Variants in SEMA3A observed in about 807,000 individuals in gnomAD.
SEMA3A encodes semaphorin-3A.
A neutral mutation model predicts 97.9 loss-of-function variants in SEMA3A; 29 were observed. The observed-to-expected ratio is 0.30, with a 90% CI of 0.22 to 0.40. The LOEUF (loss-of-function observed/expected upper bound fraction) is 0.40. Ranked by LOEUF, SEMA3A falls within the 10% of genes least tolerant of loss-of-function variation. The pLI, the probability that SEMA3A is intolerant of heterozygous loss-of-function variation, is 1.00. For missense variants in SEMA3A, 763 were observed against 951.3 expected, an observed-to-expected ratio of 0.80 and a Z score of 2.60; for synonymous variants, 321 against 323.7, an observed-to-expected ratio of 0.99 and a Z score of 0.09.
intron 1 of SEMA3A, among the ~76,000 whole-genome samples, chr7:84,490,295 T>G (rs540276990): frequency 1.3e-5 from 2 of 152,148 alleles, no homozygotes; most frequent in Admixed American, 1.3e-4. Context: ...AATTACTGTA[T>G]TCATCCTCAC....
At chr7:84,300,086 T>C (rs1188068249) in intron 3 of SEMA3A, among the ~76,000 whole-genome samples, 1 of 134,626 alleles carries the variant, frequency 7.4e-6, no homozygotes, top group Non-Finnish European at 1.6e-5. Context: ...AAAACTATGA[T>C]AACTGAAATA....
intron 6 of SEMA3A, among the ~76,000 whole-genome samples, chr7:84,039,401 G>A (rs1792052973): frequency 6.6e-6 from 1 of 152,166 alleles, no homozygotes; most frequent in Non-Finnish European, 1.5e-5. Context: ...CGTAGGGTAA[G>A]AGGCTGGATG....
intron 1 of SEMA3A, among the ~76,000 whole-genome samples, chr7:84,484,111 T>A (rs2116439983): frequency 6.6e-6 from 1 of 151,742 alleles, no homozygotes; most frequent in African/African-American, 2.4e-5. Flanking sequence ...AAGTTCATAA[T>A]TTCCAAAATG....
At chr7:84,258,168 C>T (rs1799759790) in intron 3 of SEMA3A, among the ~76,000 whole-genome samples, 1 of 152,136 alleles carries the variant, frequency 6.6e-6, no homozygotes, top group Non-Finnish European at 1.5e-5. Flanking sequence ...GGATTCACAT[C>T]CAGCATTTCA....
At chr7:84,331,853 C>A (rs1801918166) in intron 2 of SEMA3A, among the ~76,000 whole-genome samples, 1 of 152,090 alleles carries the variant, frequency 6.6e-6, no homozygotes, top group Non-Finnish European at 1.5e-5. Flanking sequence ...CAGGAAAGTC[C>A]AATCTGCTGG....
At chr7:84,342,406 C>T (rs1030751720) in intron 2 of SEMA3A, among the ~76,000 whole-genome samples, 3 of 151,974 alleles carry the variant, frequency 2.0e-5, no homozygotes, top group African/African-American at 7.3e-5. Context: ...AACATCTACA[C>T]GATGAAGGCC....
intron 15 of SEMA3A, among the ~76,000 whole-genome samples, chr7:83,965,181 C>T (rs145152478): frequency 4.0e-5 from 6 of 151,750 alleles, no homozygotes; most frequent in African/African-American, 7.2e-5. Context: ...CCTCGTGATC[C>T]GCCCGCCTCG....
chr7:84,139,188 T>C (rs188000017), intron 1 of SEMA3A, among the ~76,000 whole-genome samples: 2 of 152,234 alleles, frequency 1.3e-5, no homozygotes, highest in East Asian at 1.9e-4. Flanking sequence ...CCTATGCTCA[T>C]ATTCAGTTAA....
intron 1 of SEMA3A, among the ~76,000 whole-genome samples, chr7:84,189,266 C>A (rs1027299642): frequency 1.3e-5 from 2 of 151,740 alleles, no homozygotes; most frequent in African/African-American, 2.4e-5. Flanking sequence ...TCACATATTA[C>A]TTTTTCATAA....
At chr7:84,290,198 C>G (rs973668517) in intron 3 of SEMA3A, among the ~76,000 whole-genome samples, 1 of 151,964 alleles carries the variant, frequency 6.6e-6, no homozygotes, top group East Asian at 1.9e-4. Context: ...TGTAAATGTA[C>G]ATGGCATTGT....
chr7:84,223,955 T>G (rs1798935334), intron 3 of SEMA3A, among the ~76,000 whole-genome samples: 1 of 151,794 alleles, frequency 6.6e-6, no homozygotes, highest in African/African-American at 2.4e-5. Context: ...CAAGGACCAA[T>G]ATGGAAATAA....
At chr7:84,265,687 T>A (rs1799978870) in intron 3 of SEMA3A, among the ~76,000 whole-genome samples, 1 of 151,720 alleles carries the variant, frequency 6.6e-6, no homozygotes, top group South Asian at 2.1e-4. Flanking sequence ...TGTGAAAATC[T>A]CCTTTCACAG....
Position 84,058,772 on chromosome 7 carries a change from C to T in SEMA3A, c.547+1693G>A, listed in dbSNP as rs370463969. On this transcript the variant is annotated intron_variant, in intron 5 of 16. Coordinates refer to ENST00000265362, the MANE Select transcript of SEMA3A (RefSeq NM_006080.3). ...AAACACCTATTGTTCTTTCTAGCCA[C>T]GTCCTCTTCCTGACTCACTGAACTT... Among the ~76,000 whole-genome samples the T allele has an allele frequency of 3.9e-5, 6 of 152,278 alleles. No individual in the cohort carries two copies. The South Asian group carries it at 1.0e-3, about 26-fold the overall frequency.
intron 3 of SEMA3A, among the ~76,000 whole-genome samples, chr7:84,293,044 T>C (rs1050248878): frequency 5.3e-5 from 8 of 152,062 alleles, no homozygotes; most frequent in African/African-American, 1.4e-4. Context: ...AGAATTTCTG[T>C]TTACAGATTC....
At chr7:83,986,097 T>C (rs967448145) in intron 12 of SEMA3A, among the ~76,000 whole-genome samples, 1 of 152,134 alleles carries the variant, frequency 6.6e-6, no homozygotes, top group Non-Finnish European at 1.5e-5. Context: ...CTCAGAGTGG[T>C]CCTTTCTGAT....
At chr7:84,247,137 T>C (rs976359413) in intron 3 of SEMA3A, among the ~76,000 whole-genome samples, 3 of 152,132 alleles carry the variant, frequency 2.0e-5, no homozygotes, top group Admixed American at 1.3e-4. Context: ...AGAAGGTACA[T>C]TTAAAAAGCA....
At chr7:84,341,920 T>C (rs1288952308) in intron 2 of SEMA3A, among the ~76,000 whole-genome samples, 1 of 152,188 alleles carries the variant, frequency 6.6e-6, no homozygotes, top group East Asian at 1.9e-4. Context: ...TTTAGAATCT[T>C]TACCCACCCT....
At chr7:84,248,677 G>T (rs1468409336) in intron 3 of SEMA3A, among the ~76,000 whole-genome samples, 1 of 152,000 alleles carries the variant, frequency 6.6e-6, no homozygotes, top group Non-Finnish European at 1.5e-5. Flanking sequence ...AGTGTTAAAA[G>T]GTTTTCTCTA....
chr7:84,129,369 G>A (rs1189532811), intron 2 of SEMA3A, among the ~76,000 whole-genome samples, 184 bp from the exon 3 acceptor site: 1 of 152,156 alleles, frequency 6.6e-6, no homozygotes, highest in Non-Finnish European at 1.5e-5. Flanking sequence ...ATAAGTCATT[G>A]ATTCTCCATC....
Sources: allele counts gnomAD v4.1 joint callset (sites outside exome capture counted in the v4.1 genomes callset), GRCh38; gene constraint gnomAD v4.1.1; transcripts MANE v1.5; gene names NCBI Gene and HGNC (gene_info 2026-07-23, HGNC 2026-07-21).